Variants in ACTG2 observed in about 807,000 individuals in gnomAD.
The protein encoded by ACTG2 is actin, gamma-enteric smooth muscle.
A neutral mutation model predicts 37.6 loss-of-function variants in ACTG2; 16 were observed. The ratio of observed to expected loss-of-function variants is 0.43; its 90% CI spans 0.29 to 0.65. ACTG2 has a LOEUF of 0.65. ACTG2 is among the 30% of genes least tolerant of loss of function. The pLI is 0.18. For missense variants in ACTG2, 238 were observed against 490.9 expected (o/e 0.48, Z 4.87); for synonymous variants, 181 against 179.9 (o/e 1.01, Z -0.05).
intron 1 of ACTG2, among the ~76,000 whole-genome samples, chr2:73,900,942 A>T (rs1428927844): frequency 6.6e-6 from 1 of 152,120 alleles, no homozygotes. Flanking sequence ...TTATAAAGAC[A>T]CCCATTGTAC....
In ACTG2 at chr2:73,898,872, G is replaced by A. The variant is rs188070551; in HGVS notation, c.-36-2404G>A. Among the ~76,000 whole-genome samples, 43 of 133,564 alleles carry A rather than the reference G, an allele frequency of 3.2e-4. 1 individual carries two copies. The South Asian group carries it at 9.4e-3, about 29-fold the overall frequency. 87.6% of individuals were successfully genotyped at this position (133,564 alleles called of 152,430 possible). A position where few individuals can be genotyped will look rare whatever the true frequency, so the allele number is the denominator to read the frequency against. ...GGCTGGAGTGCAGTGGCTCGATCTT[G>A]GCTCACTGCAAGCTCCGCCTCCCGG... On this transcript the variant is annotated intron_variant, in intron 1 of 8. Coordinates refer to ENST00000345517, the MANE Select transcript of ACTG2 (RefSeq NM_001615.4).
chr2:73,900,740 ATAT>A (rs1679855226), intron 1 of ACTG2, among the ~76,000 whole-genome samples: 1 of 152,244 alleles, frequency 6.6e-6, no homozygotes, highest in Non-Finnish European at 1.5e-5. Flanking sequence ...AAAAATTAAA[ATAT>A]TATAGATATA....
chr2:73,899,042 C>T (rs1573459517), intron 1 of ACTG2, among the ~76,000 whole-genome samples: 1 of 152,036 alleles, frequency 6.6e-6, no homozygotes, highest in South Asian at 2.1e-4. Context: ...GATCTCCTGA[C>T]GTCGTGATCC....
chr2:73,917,553 G>T (rs138198356), intron 8 of ACTG2, among the ~76,000 whole-genome samples: 1 of 152,202 alleles, frequency 6.6e-6, no homozygotes, highest in Admixed American at 6.5e-5. Flanking sequence ...TAGGAACTTT[G>T]CTGCTAACAG....
At chr2:73,906,399 C>T (rs531858498) in intron 3 of ACTG2, among the ~76,000 whole-genome samples, 1 of 151,724 alleles carries the variant, frequency 6.6e-6, no homozygotes. Flanking sequence ...TGCAGTGAGC[C>T]GAGATGGCGC....
At chr2:73,901,249 T>C in intron 1 of ACTG2, 27 bp from the exon 2 acceptor site, 1 of 1,472,240 alleles carries the variant, frequency 6.8e-7, no homozygotes, top group Non-Finnish European at 9.1e-7. Flanking sequence ...AGTGGCTGAC[T>C]AGTTCTCTTC....
At chr2:73,900,061 G>A (rs975166395) in intron 1 of ACTG2, among the ~76,000 whole-genome samples, 2 of 152,184 alleles carry the variant, frequency 1.3e-5, no homozygotes, top group Non-Finnish European at 2.9e-5. Flanking sequence ...TCTGCATGAG[G>A]CCATCTGGGG....
At chr2:73,906,741 G>A (rs1680025915) in intron 3 of ACTG2, among the ~76,000 whole-genome samples, 2 of 152,110 alleles carry the variant, frequency 1.3e-5, no homozygotes, top group Non-Finnish European at 2.9e-5. Context: ...GCTCCCCAAA[G>A]TGCTGGGATT....
rs748495115 is a variant in ACTG2 at position 73,901,282 on chromosome 2, C to A, written c.-30C>A. ...TTCTCCCGCAAATCCCAAGGTGCTCCAGTCCCCAGCTCACTCAGCCACACA... is the reference window on the plus strand; with the variant it reads ...TTCTCCCGCAAATCCCAAGGTGCTCAAGTCCCCAGCTCACTCAGCCACACA... On this transcript the variant is annotated 5_prime_UTR_variant, in exon 2 of 9. Transcript: ENST00000345517. The A allele has an allele frequency of 2.6e-6, 4 of 1,535,878 alleles. No individual in the cohort carries two copies. The highest frequency in any genetic ancestry group is 3.5e-6 in the Non-Finnish European group (4 of 1,135,480).
chr2:73,896,641 A>C (rs1387960446), intron 1 of ACTG2: 1 of 152,176 alleles, frequency 6.6e-6, no homozygotes, highest in Non-Finnish European at 1.5e-5. Context: ...GGGAGGGTGG[A>C]TTTTAACAGC....
In ACTG2 at chr2:73,914,783, G is replaced by C; in HGVS notation, c.717G>C (p.Lys239Asn). ...ATAASSSSLE[K>N]SYELPDGQVI... is the part of the protein sequence containing the mutation. ...CAGCTTCCTCTTCCTCCCTGGAGAA[G>C]AGCTATGAGCTGCCAGATGGGCAGG... Residue 239 changes from lysine to asparagine, a missense_variant, in exon 7 of 9, where the codon AAG (lysine) becomes AAC (asparagine). Coordinates refer to ENST00000345517, the MANE Select transcript of ACTG2 (RefSeq NM_001615.4). The C allele has an allele frequency of 6.2e-7, 1 of 1,612,500 alleles. No homozygotes were observed. Among genetic ancestry groups the C allele is most frequent in the African/African-American group, 1.3e-5 (1 of 74,970 alleles).
At chr2:73,909,563 A>G (rs1680085097) in intron 5 of ACTG2, among the ~76,000 whole-genome samples, 1 of 152,186 alleles carries the variant, frequency 6.6e-6, no homozygotes, top group Non-Finnish European at 1.5e-5. Context: ...TACTTGCACA[A>G]ACCTAGACGC....
At chr2:73,912,409 G>T (rs1275816861) in intron 5 of ACTG2, among the ~76,000 whole-genome samples, 2 of 152,102 alleles carry the variant, frequency 1.3e-5, no homozygotes, top group African/African-American at 4.8e-5. Flanking sequence ...TGCCCCCCTT[G>T]GCCTCCCAAA....
chr2:73,913,750 A>T, intron 6 of ACTG2, 104 bp downstream of exon 6: 4 of 1,076,824 alleles, frequency 3.7e-6, no homozygotes, highest in Non-Finnish European at 5.4e-6. Context: ...GTGTCTTTAA[A>T]CTCTCCTGAG....
rs768205138 is a variant in ACTG2, at chr2:73,919,578, T to G, written c.*3T>G. On this transcript the variant is annotated 3_prime_UTR_variant, in exon 9 of 9. Coordinates refer to ENST00000345517, the MANE Select transcript of ACTG2 (RefSeq NM_001615.4). ...TTGTCCACAGGAAGTGCTTCTAAAG[T>G]CAGAACAGGTTCTCCAAGGATCCCC... 9.9e-6 allele frequency: 16 copies of G among 1,613,656 alleles called. No homozygotes were observed. The highest frequency in any genetic ancestry group is 1.4e-5 in the Non-Finnish European group (16 of 1,179,824).
chr2:73,907,873 C>T (rs558609394), intron 3 of ACTG2, among the ~76,000 whole-genome samples: 1 of 152,158 alleles, frequency 6.6e-6, no homozygotes, highest in Non-Finnish European at 1.5e-5. Context: ...CATAGAGCTG[C>T]GATTGAGAAA....
rs115451445 is a variant in ACTG2, at chr2:73,895,494, T to C, written c.-37+2443T>C. Among the ~76,000 whole-genome samples, 849 of 152,328 alleles carry C rather than the reference T, an allele frequency of 5.6e-3. 6 individuals carry two copies. The highest frequency in any genetic ancestry group is 0.02 in the African/African-American group (815 of 41,570). On this transcript the variant is annotated intron_variant, in intron 1 of 8. Transcript: ENST00000345517. ...CTCTCTGCCAGGGTTTCTGATGGTT[T>C]GTATATACGTGTAGGCAAATAATAA... is the stretch of plus-strand genomic sequence containing the variant.
At chr2:73,894,322 G>A (rs1216008401) in intron 1 of ACTG2, among the ~76,000 whole-genome samples, 2 of 152,184 alleles carry the variant, frequency 1.3e-5, no homozygotes, top group Non-Finnish European at 2.9e-5. Context: ...TTTGGACTCT[G>A]ATACTAACCC....
rs1431115356 is a variant in ACTG2, at chr2:73,901,295, A to G, written c.-17A>G. On this transcript the variant is annotated 5_prime_UTR_variant, in exon 2 of 9. Transcript: ENST00000345517. ...CCCAAGGTGCTCCAGTCCCCAGCTC[A>G]CTCAGCCACACACACCATGTGTGAA... The G allele has an allele frequency of 6.4e-7, 1 of 1,560,050 alleles. No individual in the cohort carries two copies.
Sources: gnomAD v4.1 joint callset for allele counts (sites outside exome capture counted in the v4.1 genomes callset) on GRCh38, gnomAD v4.1.1 for gene constraint, MANE v1.5 for transcripts, NCBI Gene and HGNC (gene_info 2026-07-23, HGNC 2026-07-21) for gene names.